Variants in HLA-F observed in about 807,000 individuals in gnomAD.
The protein encoded by HLA-F is HLA class I histocompatibility antigen, alpha chain F.
A neutral mutation model predicts 49.5 loss-of-function variants in HLA-F; 46 were observed. The ratio of observed to expected loss-of-function variants is 0.93; its 90% CI spans 0.73 to 1.19. HLA-F has a LOEUF of 1.19. Ranked by LOEUF, HLA-F falls within the 50% of genes most tolerant of loss-of-function variation. HLA-F has a pLI of 0.00. For missense variants in HLA-F, 496 were observed against 579.6 expected (o/e 0.86, Z 1.48); for synonymous variants, 203 against 233.5 (o/e 0.87, Z 1.19).
At position 29,723,928 on chromosome 6, in the gene HLA-F, G is replaced by A; in HGVS notation, c.334+1G>A. ...CGCCGCTACAACCAGAGCGAGGCTG[G>A]TGAGTGAACCCGGCCGGGGGCGCAG... On this transcript the variant is annotated splice_donor_variant, in intron 2 of 6. Coordinates refer to ENST00000259951, the MANE Select transcript of HLA-F (RefSeq NM_001098479.2). LOFTEE classifies it high-confidence loss of function. The A allele has an allele frequency of 1.3e-6, 2 of 1,593,384 alleles. No homozygotes were observed. Among genetic ancestry groups the A allele is most frequent in the Non-Finnish European group, 1.7e-6 (2 of 1,170,056 alleles).
intron 6 of HLA-F, 91 bp from the exon 7 acceptor site, chr6:29,726,792 A>AAACAGGCC (rs1776140342): frequency 6.9e-7 from 1 of 1,446,546 alleles, no homozygotes; most frequent in African/African-American, 1.4e-5. Flanking sequence ...CAATGTCACA[A>AAACAGGCC]ACTTCTTCAC....
chr6:29,724,057 G>A (rs756496935), intron 2 of HLA-F, 116 bp from the exon 3 acceptor site: 3 of 1,548,972 alleles, frequency 1.9e-6, no homozygotes, highest in South Asian at 1.2e-5. Flanking sequence ...CCTCCACCCG[G>A]GAGAGTCCCA....
chr6:29,737,569 T>C (rs905177060), intron 3 of HLA-F, among the ~76,000 whole-genome samples: 1 of 152,212 alleles, frequency 6.6e-6, no homozygotes, highest in Non-Finnish European at 1.5e-5. Context: ...CTAGGTCAGC[T>C]GCCAAACTTC....
intron 5 of HLA-F, 148 bp from the exon 6 acceptor site, chr6:29,725,863 C>G (rs1775997569): frequency 2.2e-6 from 2 of 893,184 alleles, no homozygotes; most frequent in Admixed American, 4.2e-5. Context: ...GGACCCACAT[C>G]TGCTTTCTTC....
intron 3 of HLA-F, among the ~76,000 whole-genome samples, chr6:29,733,121 G>A (rs149166297): frequency 0.015 from 2,257 of 152,020 alleles, 25 homozygotes; most frequent in Admixed American, 0.032. Flanking sequence ...CCCGAGAGGC[G>A]GAGGTTGCAG....
chr6:29,723,785 G>A lies in HLA-F; in HGVS notation c.192G>A (p.Pro64=), dbSNP rs755920765. ...FLRFDSDAAI[P]RMEPREPWVE... is the part of the protein sequence containing the mutation. ...GGTTCGACAGCGACGCCGCGATTCCGAGGATGGAGCCGCGGGAGCCGTGGG... is the reference window on the plus strand; with the variant it reads ...GGTTCGACAGCGACGCCGCGATTCCAAGGATGGAGCCGCGGGAGCCGTGGG... The change falls in exon 2 of 7, where the codon CCG becomes CCA. Residue 64 remains proline (P), a synonymous_variant. Transcript: ENST00000259951. 3.7e-6 allele frequency: 6 copies of A among 1,609,474 alleles called. No individual in the cohort carries two copies.
chr6:29,726,430 G>A, intron 6 of HLA-F: 2 of 1,611,460 alleles, frequency 1.2e-6, no homozygotes, highest in South Asian at 2.2e-5. Flanking sequence ...GTGTGGGACT[G>A]AGAAGCAAGA....
At chr6:29,736,292 C>A in intron 3 of HLA-F, 1 of 383,644 alleles carries the variant, frequency 2.6e-6, no homozygotes, top group Non-Finnish European at 5.1e-6. Flanking sequence ...CAGCCATTTC[C>A]AAAGCTGTTC....
chr6:29,725,425 T>A (rs781719545), intron 4 of HLA-F, 22 bp from the exon 5 acceptor site: 3 of 1,611,906 alleles, frequency 1.9e-6, no homozygotes, highest in African/African-American at 2.7e-5. Flanking sequence ...TCAGGGCCCC[T>A]CACCTTCCCT....
At chr6:29,729,077 C>T (rs1388885594), downstream of HLA-F, 2 of 152,148 alleles carry the variant, frequency 1.3e-5, no homozygotes, top group African/African-American at 4.8e-5. Flanking sequence ...AAGCAACCCT[C>T]CCTGTGGCCC....
In HLA-F at chr6:29,724,192, A is replaced by G. The variant is rs1775727290; in HGVS notation, c.354A>G (p.Gly118=). ...QSEAGSHTLQ[G]MNGCDMGPDG... ...GGCTAGGGTCTCACACCCTCCAGGGAATGAATGGCTGCGACATGGGGCCCG... is the reference window on the plus strand; with the variant it reads ...GGCTAGGGTCTCACACCCTCCAGGGGATGAATGGCTGCGACATGGGGCCCG... The change falls in exon 3 of 7, where the codon GGA becomes GGG. Residue 118 remains glycine, a synonymous_variant. Transcript: ENST00000259951. 1 of 1,612,812 alleles carries G rather than the reference A, an allele frequency of 6.2e-7. No homozygotes were observed. Among genetic ancestry groups the G allele is most frequent in the Non-Finnish European group, 8.5e-7 (1 of 1,179,968 alleles).
At position 29,724,264 on chromosome 6, in the gene HLA-F, G is replaced by A. The variant is rs1775743028; in HGVS notation, c.426G>A (p.Lys142=). 5.0e-6 allele frequency: 8 copies of A among 1,613,294 alleles called. No homozygotes were observed. Among genetic ancestry groups the A allele is most frequent in the Non-Finnish European group, 6.8e-6 (8 of 1,180,042 alleles). The change falls in exon 3 of 7, where the codon AAG becomes AAA. Residue 142 remains lysine (K), a synonymous_variant. Coordinates refer to ENST00000259951, the MANE Select transcript of HLA-F (RefSeq NM_001098479.2). ...ATCACCAGCACGCGTACGACGGCAAGGATTACATCTCCCTGAACGAGGACC... is the reference window on the plus strand; with the variant it reads ...ATCACCAGCACGCGTACGACGGCAAAGATTACATCTCCCTGAACGAGGACC... The part of the protein sequence containing the change: ...RGYHQHAYDG[K]DYISLNEDLR...
chr6:29,725,443 C>T lies in HLA-F; in HGVS notation c.887-4C>T. Reference sequence around the variant, plus strand: ...GGGCCCCTCACCTTCCCTTCCTTTCCCAGAGCAGTCTCCCCAGCCCACCAT... The same window carrying T: ...GGGCCCCTCACCTTCCCTTCCTTTCTCAGAGCAGTCTCCCCAGCCCACCAT... On this transcript the variant is annotated splice_polypyrimidine_tract_variant and splice_region_variant and intron_variant, in intron 4 of 6. Transcript: ENST00000259951. 6.2e-7 allele frequency: 1 copy of T among 1,613,544 alleles called. No homozygotes were observed. Among genetic ancestry groups the T allele is most frequent in the Non-Finnish European group, 8.5e-7 (1 of 1,179,614 alleles).
chr6:29,738,445 G>T (rs1777301950), exon 5 of HLA-F: 1 of 152,174 alleles, frequency 6.6e-6, no homozygotes, highest in Non-Finnish European at 1.5e-5. Flanking sequence ...TGCTGCTAGG[G>T]TCATCATGTC....
intron 3 of HLA-F, chr6:29,736,306 C>T (rs1736916): frequency 0.84 from 334,075 of 399,080 alleles, 140,767 homozygotes; most frequent in East Asian, 0.99. Flanking sequence ...GCTGTTCTTG[C>T]GTTAGCTCCC....
chr6:29,724,021 C>A (rs1315949439), intron 2 of HLA-F, 94 bp downstream of exon 2: 2 of 1,548,118 alleles, frequency 1.3e-6, no homozygotes, highest in Non-Finnish European at 1.7e-6. Flanking sequence ...CGAAATCTAC[C>A]CCGAGGCAGC....
chr6:29,738,423 G>C (rs1400498708), exon 5 of HLA-F: 1 of 152,188 alleles, frequency 6.6e-6, no homozygotes, highest in African/African-American at 2.4e-5. Flanking sequence ...TCTTGACACA[G>C]GAAAGAGGAT....
chr6:29,730,229 T>C (rs1253750274), downstream of HLA-F, among the ~76,000 whole-genome samples: 1 of 152,206 alleles, frequency 6.6e-6, no homozygotes, highest in Admixed American at 6.5e-5. Context: ...TTATTCAGCC[T>C]TAAAAGTGAA....
intron 3 of HLA-F, chr6:29,736,184 G>T: frequency 3.0e-6 from 1 of 334,958 alleles, no homozygotes; most frequent in South Asian, 2.4e-5. Context: ...ATGAGCCACT[G>T]CCCATGACTC....
Sources: allele counts gnomAD v4.1 joint callset (sites outside exome capture counted in the v4.1 genomes callset), GRCh38; gene constraint gnomAD v4.1.1; transcripts MANE v1.5; gene names NCBI Gene and HGNC (gene_info 2026-07-23, HGNC 2026-07-21).